ANAPC10: variants seen among roughly 807,000 people sequenced by gnomAD.
ANAPC10 encodes anaphase promoting complex subunit 10.
In ANAPC10, 12 loss-of-function variants were observed where a neutral mutation model predicts 22.0. The observed-to-expected ratio is 0.55, with a 90% CI of 0.35 to 0.88. ANAPC10 has a LOEUF of 0.88. ANAPC10 is among the 40% of genes least tolerant of loss of function. ANAPC10 has a pLI of 0.01. For synonymous variants in ANAPC10, 65 were observed against 69.5 expected (o/e 0.94, Z 0.32); for missense variants, 188 against 220.9 (o/e 0.85, Z 0.94).
At chr4:145,038,259 T>A (rs1449636519) in intron 4 of ANAPC10, among the ~76,000 whole-genome samples, 1 of 152,194 alleles carries the variant, frequency 6.6e-6, no homozygotes, top group Admixed American at 6.5e-5. Context: ...ATGTCTATAA[T>A]CCTCGCACTT....
chr4:145,035,318 A>G lies in ANAPC10; in HGVS notation c.327+29254T>C, dbSNP rs1282566611. On this transcript the variant is annotated intron_variant, in intron 4 of 4. Transcript: ENST00000507656. ...AATAGAGGAGGACCACTCTTTGGTC[A>G]AGAATATACGAGTAGCTGTGCTTCC... 2.0e-5 allele frequency: 3 copies of G among 152,248 alleles called. No homozygotes were observed. The East Asian group carries it at 5.8e-4, about 29-fold the overall frequency. 9.4% of individuals were successfully genotyped at this position (152,248 alleles called of 1,614,324 possible).
chr4:145,086,278 T>C (rs894309485), intron 2 of ANAPC10, among the ~76,000 whole-genome samples: 5 of 152,144 alleles, frequency 3.3e-5, no homozygotes, highest in African/African-American at 1.2e-4. Flanking sequence ...TTGTTTTAAT[T>C]TAAACAAAAG....
chr4:145,063,217 T>C (rs946337098), intron 4 of ANAPC10, among the ~76,000 whole-genome samples: 2 of 152,182 alleles, frequency 1.3e-5, no homozygotes, highest in Non-Finnish European at 2.9e-5. Context: ...ACTAGCTTTA[T>C]TCAGTCATTC....
intron 2 of ANAPC10, among the ~76,000 whole-genome samples, chr4:145,085,483 A>C (rs1234519356): frequency 1.3e-5 from 2 of 150,980 alleles, no homozygotes; most frequent in Non-Finnish European, 3.0e-5. Context: ...TTTCTCCTCC[A>C]TTTCACAACT....
chr4:145,089,112 T>TA (rs542438909), intron 2 of ANAPC10, among the ~76,000 whole-genome samples: 22 of 152,164 alleles, frequency 1.4e-4, no homozygotes, highest in Non-Finnish European at 3.1e-4. Context: ...GCCTCCCACT[T>TA]AAAGTTACTT....
intron 4 of ANAPC10, among the ~76,000 whole-genome samples, chr4:145,010,923 T>C (rs1734202387): frequency 2.0e-5 from 3 of 152,058 alleles, no homozygotes; most frequent in South Asian, 4.1e-4. Context: ...AGAAGGCAAC[T>C]TTCTGAAGGC....
intron 4 of ANAPC10, among the ~76,000 whole-genome samples, chr4:145,032,803 G>A (rs1289052479): frequency 1.3e-5 from 2 of 152,204 alleles, no homozygotes; most frequent in African/African-American, 4.8e-5. Flanking sequence ...CCTGGTGGCA[G>A]GTTGATTATA....
chr4:145,020,404 G>C (rs1279869852), intron 4 of ANAPC10, among the ~76,000 whole-genome samples: 4 of 151,774 alleles, frequency 2.6e-5, no homozygotes, highest in Non-Finnish European at 5.9e-5. Flanking sequence ...TTAAAACTCA[G>C]CAAAATCGGC....
intron 4 of ANAPC10, among the ~76,000 whole-genome samples, chr4:145,035,888 C>T (rs1227105526): frequency 2.6e-5 from 4 of 152,166 alleles, no homozygotes. Flanking sequence ...GCACTCTCTG[C>T]TTTTCTGATG....
At position 145,007,563 on chromosome 4, in the gene ANAPC10, G is replaced by A. The variant is rs185838205; in HGVS notation, c.328-11960C>T. 4.2e-3 allele frequency among the ~76,000 whole-genome samples: 643 copies of A among 152,154 alleles called. 3 individuals carry two copies. The highest frequency in any genetic ancestry group is 0.014 in the African/African-American group (590 of 41,466). On this transcript the variant is annotated intron_variant, in intron 4 of 4. Transcript: ENST00000507656. ...CAACTACAGGGAAACTGAACAACCT[G>A]CTCCTGAATGACTACTGGGTACATA... is the stretch of plus-strand genomic sequence containing the variant.
chr4:145,056,549 C>T (rs540883965), intron 4 of ANAPC10, among the ~76,000 whole-genome samples: 1 of 152,148 alleles, frequency 6.6e-6, no homozygotes, highest in Non-Finnish European at 1.5e-5. Flanking sequence ...TAAGAACCCC[C>T]TCTTGGGGTC....
At chr4:145,036,844 G>A (rs897195013) in intron 4 of ANAPC10, among the ~76,000 whole-genome samples, 1 of 152,128 alleles carries the variant, frequency 6.6e-6, no homozygotes, top group Non-Finnish European at 1.5e-5. Flanking sequence ...AATTAATGCT[G>A]AGGTACATAT....
intron 4 of ANAPC10, 41 bp downstream of exon 4, chr4:145,064,531 A>C: frequency 6.5e-7 from 1 of 1,537,270 alleles, no homozygotes; most frequent in Non-Finnish European, 8.9e-7. Flanking sequence ...AATGAGTAAA[A>C]GTTAAAGGAT....
intron 3 of ANAPC10, among the ~76,000 whole-genome samples, chr4:145,081,166 G>A (rs1745957959): frequency 6.7e-6 from 1 of 148,962 alleles, no homozygotes; most frequent in Non-Finnish European, 1.5e-5. Context: ...ACATGTGGCT[G>A]TTTTTCCTTT....
At chr4:145,053,904 CTGTGTG>C (rs552174954) in intron 4 of ANAPC10, 11 of 471,524 alleles carry the variant, frequency 2.3e-5, no homozygotes, top group African/African-American at 1.6e-4. Flanking sequence ...CTGATTACTA[CTGTGTG>C]TGTGTGTGTT....
At chr4:145,036,995 C>CGTGTGTGTGTGTGTGTGTGT (rs202100756) in intron 4 of ANAPC10, among the ~76,000 whole-genome samples, 5 of 131,120 alleles carry the variant, frequency 3.8e-5, no homozygotes, top group African/African-American at 8.7e-5. Flanking sequence ...AAATAGATAA[C>CGTGTGTGTGTGTGTGTGTGT]GTGTGTGTGT....
At chr4:145,022,825 A>G (rs1337980527) in intron 4 of ANAPC10, among the ~76,000 whole-genome samples, 1 of 151,502 alleles carries the variant, frequency 6.6e-6, no homozygotes, top group East Asian at 1.9e-4. Flanking sequence ...TAAAAACAGC[A>G]TCTTTTTTTT....
intron 4 of ANAPC10, among the ~76,000 whole-genome samples, chr4:145,063,604 T>C (rs953345381): frequency 6.6e-6 from 1 of 152,158 alleles, no homozygotes; most frequent in Admixed American, 6.5e-5. Context: ...TTAATGATTA[T>C]TTGGGCTTAA....
At chr4:145,034,786 C>T (rs1000383363) in intron 4 of ANAPC10, among the ~76,000 whole-genome samples, 1 of 151,656 alleles carries the variant, frequency 6.6e-6, no homozygotes, top group Non-Finnish European at 1.5e-5. Context: ...GCTGCAGTGC[C>T]GGTCTAAGGA....
Sources: gnomAD v4.1 joint callset for allele counts (sites outside exome capture counted in the v4.1 genomes callset) on GRCh38, gnomAD v4.1.1 for gene constraint, MANE v1.5 for transcripts, NCBI Gene and HGNC (gene_info 2026-07-23, HGNC 2026-07-21) for gene names.